KDM4C: variants seen among roughly 807,000 people sequenced by gnomAD.
The protein encoded by KDM4C is lysine-specific demethylase 4C.
A neutral mutation model predicts 129.3 loss-of-function variants in KDM4C; 81 were observed. That is an observed-to-expected ratio of 0.63 (90% CI 0.52 to 0.75). KDM4C has a LOEUF of 0.75. KDM4C is among the 30% of genes least tolerant of loss of function. The probability of loss-of-function intolerance (pLI) is 0.00; values close to 1 mark genes in which losing one functional copy is unlikely to be tolerated. For missense variants in KDM4C, 1,457 were observed against 1,304.0 expected, an observed-to-expected ratio of 1.12 and a Z score of -1.81; for synonymous variants, 573 against 456.1, an observed-to-expected ratio of 1.26 and a Z score of -3.26.
At chr9:6,835,043 A>G in intron 4 of KDM4C, 2 of 945,810 alleles carry the variant, frequency 2.1e-6, no homozygotes, top group Middle Eastern at 2.1e-4. Context: ...GAGCGTGGCT[A>G]CAGCTTCACC....
chr9:7,017,359 A>G (rs1823881361), intron 15 of KDM4C, among the ~76,000 whole-genome samples: 1 of 152,194 alleles, frequency 6.6e-6, no homozygotes, highest in Non-Finnish European at 1.5e-5. Flanking sequence ...TAGGCAGAAT[A>G]TTTAATAACA....
At chr9:6,796,154 A>G (rs1388434772) in intron 2 of KDM4C, among the ~76,000 whole-genome samples, 1 of 152,114 alleles carries the variant, frequency 6.6e-6, no homozygotes, top group Non-Finnish European at 1.5e-5. Flanking sequence ...TCAAAAAAAA[A>G]TCTCATTTGG....
rs1384205706 is a variant in KDM4C, at chr9:7,040,470, G to A, written c.2260-6392G>A. 4.0e-5 allele frequency among the ~76,000 whole-genome samples: 6 copies of A among 151,482 alleles called. No individual in the cohort carries two copies. In the East Asian group the frequency reaches 1.2e-3, roughly 29 times the overall value. On this transcript the variant is annotated intron_variant, in intron 15 of 21. Transcript: ENST00000381309. Reference sequence around the variant, plus strand: ...AAAAAATGATTTTATATTTACCCAGGTATTTTTGGAGTTCTTCATTCCTTC... The same window carrying A: ...AAAAAATGATTTTATATTTACCCAGATATTTTTGGAGTTCTTCATTCCTTC...
Position 6,771,080 on chromosome 9 carries a change from C to CTT in KDM4C, c.-18+12905_-18+12906dup, listed in dbSNP as rs35945405. ...TGAGCCACTGCGCCCGACTGTGAAT[C>CTT]TTTTTTTTTTTTTTTTTTTTTTTTT... On this transcript the variant is annotated intron_variant, in intron 1 of 21. Coordinates refer to ENST00000381309, the MANE Select transcript of KDM4C (RefSeq NM_015061.6). Among the ~76,000 whole-genome samples the CTT allele has an allele frequency of 5.9e-3, 338 of 56,966 alleles. 63 individuals are homozygous for CTT. Among genetic ancestry groups the CTT allele is most frequent in the African/African-American group, 0.011 (144 of 13,244 alleles). 37.4% of individuals were successfully genotyped at this position (56,966 alleles called of 152,430 possible).
chr9:7,128,507 G>A (rs1387154100), intron 19 of KDM4C, among the ~76,000 whole-genome samples: 1 of 152,090 alleles, frequency 6.6e-6, no homozygotes, highest in Non-Finnish European at 1.5e-5. Flanking sequence ...TATCACATTG[G>A]CAACACCTGA....
At chr9:6,842,632 G>A (rs1435449411) in intron 4 of KDM4C, among the ~76,000 whole-genome samples, 1 of 151,974 alleles carries the variant, frequency 6.6e-6, no homozygotes, top group East Asian at 1.9e-4. Context: ...TACTGCACCA[G>A]GACTGATCCA....
intron 8 of KDM4C, among the ~76,000 whole-genome samples, chr9:6,896,490 A>ATATAT (rs1563775782): frequency 6.7e-5 from 10 of 149,556 alleles, no homozygotes; most frequent in African/African-American, 2.5e-4. Context: ...TATATATATA[A>ATATAT]AAATATAATT....
chr9:7,046,279 G>T lies in KDM4C; in HGVS notation c.2260-583G>T, dbSNP rs148104843. On this transcript the variant is annotated intron_variant, in intron 15 of 21. Transcript: ENST00000381309. ...ATAAAGCAAAACGTTTCTTGGTGCT[G>T]TTTTCTCGGGCCGGATAGCTGGGGT... Among the ~76,000 whole-genome samples, 466 of 152,092 alleles carry T rather than the reference G, an allele frequency of 3.1e-3. 1 individual carries two copies. The highest frequency in any genetic ancestry group is 0.011 in the African/African-American group (452 of 41,534).
intron 8 of KDM4C, among the ~76,000 whole-genome samples, chr9:6,933,096 G>A (rs1365130731): frequency 1.3e-5 from 2 of 152,200 alleles, no homozygotes; most frequent in Non-Finnish European, 2.9e-5. Flanking sequence ...TAAGAAGTAT[G>A]TATTGCATGT....
At chr9:7,065,309 A>G (rs1166835904) in intron 17 of KDM4C, among the ~76,000 whole-genome samples, 2 of 151,968 alleles carry the variant, frequency 1.3e-5, no homozygotes, top group African/African-American at 4.8e-5. Context: ...ATCTTTCTTT[A>G]ATAATAAAAT....
At chr9:6,722,992 T>C (rs28718487) in intron 1 of KDM4C, among the ~76,000 whole-genome samples, 1 of 150,966 alleles carries the variant, frequency 6.6e-6, no homozygotes, top group African/African-American at 2.4e-5. Context: ...AGCAATACAC[T>C]GTCTCATAAA....
intron 17 of KDM4C, among the ~76,000 whole-genome samples, chr9:7,102,684 A>G (rs759224115): frequency 9.2e-5 from 14 of 152,214 alleles, no homozygotes; most frequent in Non-Finnish European, 1.8e-4. Flanking sequence ...TTAGTCTTCA[A>G]AAGGGCTTGA....
At chr9:6,922,751 C>T (rs956047620) in intron 8 of KDM4C, among the ~76,000 whole-genome samples, 2 of 152,182 alleles carry the variant, frequency 1.3e-5, no homozygotes, top group African/African-American at 2.4e-5. Flanking sequence ...TGTCTCAAAA[C>T]AGAGAAATAA....
Position 6,820,549 on chromosome 9 carries a change from A to C in KDM4C, c.435+5804A>C, listed in dbSNP as rs1326585249. Among the ~76,000 whole-genome samples the C allele has an allele frequency of 2.0e-5, 3 of 152,176 alleles. No individual in the cohort carries two copies. In the East Asian group the frequency reaches 5.8e-4, roughly 29 times the overall value. ...TCTCTTAGCCCCAGGCAAATCTTTT[A>C]AGGAGCAGAGAAGGTGCCATGGTAG... On this transcript the variant is annotated intron_variant, in intron 4 of 21. Coordinates refer to ENST00000381309, the MANE Select transcript of KDM4C (RefSeq NM_015061.6).
In KDM4C at chr9:6,793,083, A is replaced by T; in HGVS notation, c.95A>T (p.Tyr32Phe). The T allele has an allele frequency of 1.2e-6, 2 of 1,614,070 alleles. No homozygotes were observed. Among genetic ancestry groups the T allele is most frequent in the South Asian group, 2.2e-5 (2 of 91,078 alleles). The change falls in exon 2 of 22, where the codon TAC (tyrosine) becomes TTC (phenylalanine). Residue 32 changes from tyrosine to phenylalanine, a missense_variant. Physicochemically the swap from Tyr to Phe is conservative, Grantham distance 22. Coordinates refer to ENST00000381309, the MANE Select transcript of KDM4C (RefSeq NM_015061.6). ...GAGGAGTTCCGGGAGTTCAACAAAT[A>T]CCTTGCATACATGGAGTCTAAAGGA... is the stretch of plus-strand genomic sequence containing the variant. ...SMEEFREFNK[Y>F]LAYMESKGAH...
chr9:7,015,976 C>T (rs372291576), intron 15 of KDM4C, 47 bp downstream of exon 15: 1 of 1,310,702 alleles, frequency 7.6e-7, no homozygotes, highest in African/African-American at 1.5e-5. Context: ...CCCACCCTAC[C>T]CACTGTGGAC....
intron 4 of KDM4C, among the ~76,000 whole-genome samples, chr9:6,816,104 T>G (rs751870227): frequency 7.9e-5 from 12 of 152,216 alleles, no homozygotes; most frequent in Non-Finnish European, 1.5e-4. Flanking sequence ...CCTTTGTAAC[T>G]AATAAGTGAT....
At chr9:7,064,865 G>T (rs1328918124) in intron 17 of KDM4C, among the ~76,000 whole-genome samples, 2 of 152,088 alleles carry the variant, frequency 1.3e-5, no homozygotes, top group African/African-American at 4.8e-5. Flanking sequence ...GTGTCCATTT[G>T]GCCAGTGATG....
chr9:6,797,083 A>G (rs1230969693), intron 2 of KDM4C, among the ~76,000 whole-genome samples: 1 of 151,910 alleles, frequency 6.6e-6, no homozygotes, highest in African/African-American at 2.4e-5. Context: ...GGCTCAAGCA[A>G]GTAGCCTCCC....
Sources: allele counts gnomAD v4.1 joint callset (sites outside exome capture counted in the v4.1 genomes callset), GRCh38; gene constraint gnomAD v4.1.1; transcripts MANE v1.5; gene names NCBI Gene and HGNC (gene_info 2026-07-23, HGNC 2026-07-21).